Variants in DSG4 observed in about 807,000 individuals in gnomAD.
DSG4 encodes desmoglein-4.
In DSG4, 87 loss-of-function variants were observed where a neutral mutation model predicts 93.1. The ratio of observed to expected loss-of-function variants is 0.93; its 90% CI spans 0.79 to 1.12. DSG4 has a LOEUF of 1.12. Ranked by LOEUF, DSG4 falls within the 50% of genes most tolerant of loss-of-function variation. The pLI is 0.00. For synonymous variants in DSG4, 432 were observed against 452.9 expected, an observed-to-expected ratio of 0.95 and a Z score of 0.59; for missense variants, 1,373 against 1,285.7, an observed-to-expected ratio of 1.07 and a Z score of -1.04.
chr18:31,382,210 C>T (rs2072143007), intron 1 of DSG4: 1 of 152,228 alleles, frequency 6.6e-6, no homozygotes, highest in Non-Finnish European at 1.5e-5. Flanking sequence ...TGATAACTGG[C>T]TCAGCCATTT....
chr18:31,406,403 A>G (rs771370775), intron 12 of DSG4, 30 bp downstream of exon 12: 5 of 1,613,442 alleles, frequency 3.1e-6, no homozygotes, highest in Non-Finnish European at 4.2e-6. Context: ...CTTCTTTTCA[A>G]TAGTTCTTCA....
Position 31,383,413 on chromosome 18 carries a change from T to C in DSG4, c.49-1723T>C, listed in dbSNP as rs149223391. Reference sequence around the variant, plus strand: ...AATTGTTCCTATAAGAGTCTTCAAATTGGGACACGTATTTTGCTGAATACA... The same window carrying C: ...AATTGTTCCTATAAGAGTCTTCAAACTGGGACACGTATTTTGCTGAATACA... On this transcript the variant is annotated intron_variant, in intron 1 of 15. Coordinates refer to ENST00000308128, the MANE Select transcript of DSG4 (RefSeq NM_177986.5). Among the ~76,000 whole-genome samples the C allele has an allele frequency of 1.1e-3, 175 of 152,308 alleles. 1 individual carries two copies. Among genetic ancestry groups the C allele is most frequent in the African/African-American group, 4.1e-3 (169 of 41,572 alleles).
intron 1 of DSG4, among the ~76,000 whole-genome samples, chr18:31,383,757 T>C (rs2072159867): frequency 6.6e-6 from 1 of 152,142 alleles, no homozygotes; most frequent in Non-Finnish European, 1.5e-5. Flanking sequence ...AACGTTATTC[T>C]GTTGCACTCT....
chr18:31,413,002 G>T lies in DSG4; in HGVS notation c.2530G>T (p.Ala844Ser), dbSNP rs1333110297. ...ETLDPKFRTLAEICLNTEIEP... is the reference protein window; with the variant it reads ...ETLDPKFRTLSEICLNTEIEP... ...TTTAGATCCAAAATTTAGGACTCTT[G>T]CTGAGATCTGCTTAAACACAGAAAT... The change falls in exon 16 of 16, where the codon GCT becomes TCT. Residue 844 changes from alanine to serine, a missense_variant. Ala to Ser is a moderately conservative substitution (Grantham distance 99). Coordinates refer to ENST00000308128, the MANE Select transcript of DSG4 (RefSeq NM_177986.5). 6 of 1,614,132 alleles carry T rather than the reference G, an allele frequency of 3.7e-6. No homozygotes were observed. The South Asian group carries it at 6.6e-5, about 18-fold the overall frequency.
chr18:31,405,749 T>C (rs2144208136), intron 11 of DSG4, among the ~76,000 whole-genome samples: 1 of 151,980 alleles, frequency 6.6e-6, no homozygotes, highest in Non-Finnish European at 1.5e-5. Flanking sequence ...CCAGGCATGG[T>C]GCCACACACC....
At chr18:31,383,328 C>T (rs2072155502) in intron 1 of DSG4, among the ~76,000 whole-genome samples, 5 of 152,264 alleles carry the variant, frequency 3.3e-5, no homozygotes, top group African/African-American at 1.2e-4. Context: ...TAATTTAAGG[C>T]TACATATCCA....
intron 8 of DSG4, among the ~76,000 whole-genome samples, chr18:31,398,318 G>C (rs892920454): frequency 1.3e-5 from 2 of 152,134 alleles, no homozygotes; most frequent in African/African-American, 2.4e-5. Flanking sequence ...GGCATGCTGA[G>C]CCATCTCCAA....
chr18:31,406,892 C>T (rs532915610), intron 12 of DSG4, among the ~76,000 whole-genome samples: 1 of 152,164 alleles, frequency 6.6e-6, no homozygotes, highest in East Asian at 1.9e-4. Context: ...ATTCTCCTGC[C>T]TCAGCCTCCC....
Position 31,386,672 on chromosome 18 carries a change from A to G in DSG4, c.85-16A>G. The G allele has an allele frequency of 6.2e-7, 1 of 1,612,674 alleles. No individual in the cohort carries two copies. The highest frequency in any genetic ancestry group is 8.5e-7 in the Non-Finnish European group (1 of 1,178,970). ...TGTTCTCACACTGTAAGACACCTGA[A>G]CCATTTTTGCTTAAGGTGAAGGAAT... On this transcript the variant is annotated splice_polypyrimidine_tract_variant and intron_variant, in intron 2 of 15. Transcript: ENST00000308128.
At chr18:31,398,983 G>A (rs1057273271) in intron 8 of DSG4, among the ~76,000 whole-genome samples, 3 of 151,632 alleles carry the variant, frequency 2.0e-5, no homozygotes, top group Non-Finnish European at 2.9e-5. Context: ...GAAAATAATC[G>A]TTTTTCATTT....
chr18:31,388,842 GA>G lies in DSG4; in HGVS notation c.373-27del, dbSNP rs752822527. On this transcript the variant is annotated intron_variant, in intron 4 of 15. Coordinates refer to ENST00000308128, the MANE Select transcript of DSG4 (RefSeq NM_177986.5). ...GCATGTTACTAAAATTCCTTTGGTG[GA>G]AAAAGATGGCTTTTTTCCAATTTTC... 1.1e-5 allele frequency: 18 copies of G among 1,613,070 alleles called. No homozygotes were observed. In the South Asian group the frequency reaches 2.0e-4, roughly 18 times the overall value.
At chr18:31,406,663 G>A (rs1253420998) in intron 12 of DSG4, among the ~76,000 whole-genome samples, 1 of 152,172 alleles carries the variant, frequency 6.6e-6, no homozygotes, top group Non-Finnish European at 1.5e-5. Flanking sequence ...TCCTTAAAAT[G>A]CTTTAAGAGT....
At chr18:31,391,351 G>A in intron 7 of DSG4, 139 bp downstream of exon 7, 1 of 1,198,534 alleles carries the variant, frequency 8.3e-7, no homozygotes, top group East Asian at 2.5e-5. Flanking sequence ...TAGAAACTTT[G>A]GAATTTCTTA....
At chr18:31,403,273 T>C in intron 10 of DSG4, 143 bp from the exon 11 acceptor site, 3 of 710,596 alleles carry the variant, frequency 4.2e-6, no homozygotes, top group Non-Finnish European at 7.5e-6. Context: ...TGACTTTGGG[T>C]CACTGAAGCG....
intron 6 of DSG4, 37 bp downstream of exon 6, chr18:31,390,859 T>A (rs926533900): frequency 1.2e-6 from 2 of 1,601,598 alleles, no homozygotes; most frequent in African/African-American, 2.7e-5. Flanking sequence ...ACTAAAAAAT[T>A]CAATTTTGAA....
intron 8 of DSG4, among the ~76,000 whole-genome samples, chr18:31,393,258 G>C (rs2072268922): frequency 6.6e-6 from 1 of 152,156 alleles, no homozygotes; most frequent in African/African-American, 2.4e-5. Context: ...TTTACAGTGT[G>C]ATTATTCAGT....
intron 7 of DSG4, 68 bp downstream of exon 7, chr18:31,391,280 T>A: frequency 6.3e-7 from 1 of 1,599,078 alleles, no homozygotes; most frequent in African/African-American, 1.3e-5. Flanking sequence ...GTGTCAATAA[T>A]CAATCATGCT....
intron 8 of DSG4, among the ~76,000 whole-genome samples, chr18:31,394,168 G>T (rs1048016857): frequency 6.6e-6 from 1 of 152,184 alleles, no homozygotes; most frequent in Admixed American, 6.5e-5. Context: ...ACTTGAGATA[G>T]AAACTCTGTA....
intron 1 of DSG4, among the ~76,000 whole-genome samples, chr18:31,383,135 G>C (rs542798447): frequency 1.3e-5 from 2 of 152,200 alleles, no homozygotes; most frequent in South Asian, 4.1e-4. Context: ...TTCTTCCTTC[G>C]TCTTTACAAA....
Sources: allele counts gnomAD v4.1 joint callset (sites outside exome capture counted in the v4.1 genomes callset), GRCh38; gene constraint gnomAD v4.1.1; transcripts MANE v1.5; gene names NCBI Gene and HGNC (gene_info 2026-07-23, HGNC 2026-07-21).